Variants in IPCEF1 observed in about 807,000 individuals in gnomAD.
The protein encoded by IPCEF1 is interactor protein for cytohesin exchange factors 1.
In IPCEF1, 31 loss-of-function variants were observed where a neutral mutation model predicts 50.9. The observed-to-expected ratio is 0.61, with a 90% CI of 0.46 to 0.82. IPCEF1 has a LOEUF of 0.82. Among genes scored for constraint, IPCEF1 ranks in the 40% least tolerant of loss-of-function variants. The pLI is 0.00. For missense variants in IPCEF1, 458 were observed against 514.0 expected, an observed-to-expected ratio of 0.89 and a Z score of 1.05; for synonymous variants, 181 against 192.0, an observed-to-expected ratio of 0.94 and a Z score of 0.47.
chr6:154,288,978 T>A (rs1175761594), intron 2 of IPCEF1, among the ~76,000 whole-genome samples: 1 of 151,296 alleles, frequency 6.6e-6, no homozygotes, highest in Non-Finnish European at 1.5e-5. Flanking sequence ...GCCTGGGAGG[T>A]CAAGGCTGCA....
chr6:154,320,952 C>T (rs145395061), intron 1 of IPCEF1, among the ~76,000 whole-genome samples: 39 of 152,012 alleles, frequency 2.6e-4, no homozygotes, highest in African/African-American at 4.1e-4. Context: ...GTTGTTGTTG[C>T]GACAGGATCT....
intron 1 of IPCEF1, among the ~76,000 whole-genome samples, chr6:154,349,306 C>T (rs901172801): frequency 6.6e-6 from 1 of 151,826 alleles, no homozygotes; most frequent in Admixed American, 6.6e-5. Flanking sequence ...ATCCTCCTGC[C>T]TCCATCTCCT....
At chr6:154,332,695 A>G (rs142644555) in intron 1 of IPCEF1, among the ~76,000 whole-genome samples, 237 of 152,254 alleles carry the variant, frequency 1.6e-3, no homozygotes, top group African/African-American at 5.5e-3. Flanking sequence ...CTTCTAAATC[A>G]CTAGAGAGAT....
chr6:154,264,027 A>T (rs1337221650), intron 3 of IPCEF1, among the ~76,000 whole-genome samples: 2 of 146,364 alleles, frequency 1.4e-5, no homozygotes, highest in Non-Finnish European at 3.0e-5. Flanking sequence ...TCCCTCCCAG[A>T]CTGTAAATGA....
chr6:154,307,760 T>C (rs1452849036), intron 1 of IPCEF1, among the ~76,000 whole-genome samples: 1 of 152,232 alleles, frequency 6.6e-6, no homozygotes, highest in African/African-American at 2.4e-5. Flanking sequence ...ACATTCACCA[T>C]CTTTATTGCT....
At chr6:154,282,117 C>T (rs571023221) in intron 2 of IPCEF1, among the ~76,000 whole-genome samples, 13 of 152,072 alleles carry the variant, frequency 8.5e-5, no homozygotes, top group East Asian at 7.7e-4. Flanking sequence ...GGCAATGAGC[C>T]GAGATTGCAC....
intron 9 of IPCEF1, among the ~76,000 whole-genome samples, chr6:154,201,898 AAAAC>A (rs759312544): frequency 2.0e-5 from 3 of 152,214 alleles, no homozygotes; most frequent in Non-Finnish European, 2.9e-5. Context: ...CCATCTCAAA[AAAAC>A]AAACAAACAA....
In IPCEF1 at chr6:154,186,868, T is replaced by G. The variant is rs150524574; in HGVS notation, c.910+12800A>C. On this transcript the variant is annotated intron_variant, in intron 10 of 11. Coordinates refer to ENST00000367220, the MANE Select transcript of IPCEF1 (RefSeq NM_001130700.2). ...ACCACGCCCGGCCCAGAGCAGCTCTTTTCAAATTTCAGTGAGATGGCACCG... is the reference window on the plus strand; with the variant it reads ...ACCACGCCCGGCCCAGAGCAGCTCTGTTCAAATTTCAGTGAGATGGCACCG... Among the ~76,000 whole-genome samples the G allele has an allele frequency of 5.0e-3, 765 of 152,212 alleles. 4 individuals carry two copies. Among genetic ancestry groups the G allele is most frequent in the Non-Finnish European group, 7.6e-3 (518 of 68,006 alleles).
At chr6:154,329,185 G>A (rs1056737802) in intron 1 of IPCEF1, among the ~76,000 whole-genome samples, 1 of 152,154 alleles carries the variant, frequency 6.6e-6, no homozygotes, top group Admixed American at 6.5e-5. Context: ...GTCGACGGGG[G>A]AGAATCACTT....
At chr6:154,341,778 T>C (rs1783923514) in intron 1 of IPCEF1, among the ~76,000 whole-genome samples, 1 of 152,204 alleles carries the variant, frequency 6.6e-6, no homozygotes. Context: ...TTACAGATTG[T>C]GTGGATGTGT....
chr6:154,184,331 G>A (rs1445572513), intron 10 of IPCEF1, among the ~76,000 whole-genome samples: 3 of 151,894 alleles, frequency 2.0e-5, no homozygotes, highest in Non-Finnish European at 4.4e-5. Flanking sequence ...ATCTTTTGGA[G>A]AATAAATAAT....
chr6:154,203,656 C>G (rs1777253135), intron 9 of IPCEF1, among the ~76,000 whole-genome samples: 2 of 152,132 alleles, frequency 1.3e-5, no homozygotes, highest in South Asian at 2.1e-4. Flanking sequence ...ACTAAACCCC[C>G]ACAGATACCA....
At position 154,353,599 on chromosome 6, in the gene IPCEF1, T is replaced by C. The variant is rs547589083; in HGVS notation, c.-62+3073A>G. On this transcript the variant is annotated intron_variant, in intron 1 of 11. Transcript: ENST00000367220. ...CCACCGCACCCGGGCCTATTTACTT[T>C]CTTTCAACGTTTGTTTTATTTTCAG... Among the ~76,000 whole-genome samples, 8 of 152,374 alleles carry C rather than the reference T, an allele frequency of 5.3e-5. No homozygotes were observed. In the South Asian group the frequency reaches 1.7e-3, roughly 32 times the overall value.
intron 2 of IPCEF1, among the ~76,000 whole-genome samples, chr6:154,276,952 G>A (rs1466716074): frequency 1.3e-5 from 2 of 152,190 alleles, no homozygotes; most frequent in African/African-American, 2.4e-5. Context: ...CAGTGATAAC[G>A]TGGCTGCCAA....
At chr6:154,254,348 G>A (rs946448274) in intron 3 of IPCEF1, among the ~76,000 whole-genome samples, 7 of 152,134 alleles carry the variant, frequency 4.6e-5, no homozygotes, top group East Asian at 1.9e-4. Flanking sequence ...GAAAAGTTAC[G>A]ATCATGGTGG....
intron 1 of IPCEF1, among the ~76,000 whole-genome samples, chr6:154,304,227 A>C (rs1049073509): frequency 1.3e-5 from 2 of 152,206 alleles, no homozygotes; most frequent in Admixed American, 1.3e-4. Context: ...GTCTCAAAAA[A>C]ATTTTTTTAA....
intron 2 of IPCEF1, among the ~76,000 whole-genome samples, chr6:154,285,262 G>GA (rs1782332444): frequency 6.6e-6 from 1 of 152,152 alleles, no homozygotes; most frequent in South Asian, 2.1e-4. Context: ...CAGGGAAAAT[G>GA]AAAATGGCAA....
rs191255097 is a variant in IPCEF1, at chr6:154,322,761, G to A, written c.-61-33005C>T. 2.4e-3 allele frequency among the ~76,000 whole-genome samples: 371 copies of A among 151,988 alleles called. 5 individuals carry two copies. The highest frequency in any genetic ancestry group is 1.0e-3 in the Non-Finnish European group (70 of 67,950). On this transcript the variant is annotated intron_variant, in intron 1 of 11. Coordinates refer to ENST00000367220, the MANE Select transcript of IPCEF1 (RefSeq NM_001130700.2). ...CTGAGGCATGAGAATCACTTGAGCC[G>A]GGGAGGTGGAGGTTGCAGTGAGCCG...
intron 2 of IPCEF1, among the ~76,000 whole-genome samples, chr6:154,278,131 C>T (rs1325647691): frequency 6.6e-6 from 1 of 152,050 alleles, no homozygotes; most frequent in Non-Finnish European, 1.5e-5. Flanking sequence ...CTATGACAAA[C>T]GTTGAAATTA....
Sources: allele counts gnomAD v4.1 joint callset (sites outside exome capture counted in the v4.1 genomes callset), GRCh38; gene constraint gnomAD v4.1.1; transcripts MANE v1.5; gene names NCBI Gene and HGNC (gene_info 2026-07-23, HGNC 2026-07-21).